DPP10: variants seen among roughly 807,000 people sequenced by gnomAD.
The protein encoded by DPP10 is dipeptidyl peptidase like 10, also known as inactive dipeptidyl peptidase 10.
In DPP10, 33 loss-of-function variants were observed where a neutral mutation model predicts 120.9. The observed-to-expected ratio is 0.27, with a 90% CI of 0.21 to 0.37. The LOEUF (loss-of-function observed/expected upper bound fraction) is 0.37. Ranked by LOEUF, DPP10 falls within the 10% of genes least tolerant of loss-of-function variation. The pLI is 1.00. For synonymous variants in DPP10, 337 were observed against 326.1 expected (o/e 1.03, Z -0.36); for missense variants, 816 against 942.8 (o/e 0.87, Z 1.76).
chr2:115,285,767 A>G (rs911351789), intron 1 of DPP10, among the ~76,000 whole-genome samples: 2 of 151,954 alleles, frequency 1.3e-5, no homozygotes, highest in African/African-American at 4.8e-5. Flanking sequence ...CCCAAGAACA[A>G]TTGGGTTGTG....
chr2:114,869,678 C>T (rs1295081193), intron 1 of DPP10, among the ~76,000 whole-genome samples: 2 of 152,062 alleles, frequency 1.3e-5, no homozygotes, highest in Non-Finnish European at 2.9e-5. Flanking sequence ...CTAGTTCCTC[C>T]CTATCTCAGG....
chr2:114,939,158 A>G (rs1696705941), intron 1 of DPP10, among the ~76,000 whole-genome samples: 1 of 152,148 alleles, frequency 6.6e-6, no homozygotes. Context: ...AGTTATAAGA[A>G]GAAGAAAATA....
At chr2:115,064,857 G>A in intron 1 of DPP10, 1 of 1,301,086 alleles carries the variant, frequency 7.7e-7, no homozygotes, top group South Asian at 1.2e-5. Flanking sequence ...CAGGGTTTCT[G>A]ATTGGGTTTC....
intron 1 of DPP10, among the ~76,000 whole-genome samples, chr2:115,279,557 G>A (rs111238031): frequency 1.6e-3 from 246 of 149,318 alleles, no homozygotes; most frequent in African/African-American, 5.4e-3. Context: ...GTTGATTTGC[G>A]TTTGATAGAA....
At chr2:115,160,832 G>C (rs917510632) in intron 1 of DPP10, among the ~76,000 whole-genome samples, 1 of 151,970 alleles carries the variant, frequency 6.6e-6, no homozygotes, top group Non-Finnish European at 1.5e-5. Context: ...CACAACGTAA[G>C]CTCCCTGCAG....
intron 5 of DPP10, among the ~76,000 whole-genome samples, chr2:115,615,352 T>C (rs1195820965): frequency 6.6e-6 from 1 of 152,180 alleles, no homozygotes; most frequent in Non-Finnish European, 1.5e-5. Flanking sequence ...TTATCTAAAA[T>C]AGAAGCACGG....
At chr2:115,094,265 C>T (rs1189962083) in intron 1 of DPP10, among the ~76,000 whole-genome samples, 1 of 152,142 alleles carries the variant, frequency 6.6e-6, no homozygotes, top group African/African-American at 2.4e-5. Context: ...ATGACAGCAG[C>T]TGACCTTTAT....
chr2:115,732,880 G>A (rs1365060713), intron 8 of DPP10, among the ~76,000 whole-genome samples: 2 of 152,126 alleles, frequency 1.3e-5, no homozygotes, highest in Admixed American at 1.3e-4. Flanking sequence ...AGAGCAATAC[G>A]ATGAGAAATA....
chr2:114,700,892 T>G (rs1361801942), intron 1 of DPP10, among the ~76,000 whole-genome samples: 1 of 152,096 alleles, frequency 6.6e-6, no homozygotes, highest in East Asian at 1.9e-4. Flanking sequence ...CTATTCGTCT[T>G]TTGGTGAGCT....
rs560604291 is a variant in DPP10 at position 115,522,064 on chromosome 2, A to C, written c.367-3834A>C. 3.9e-5 allele frequency among the ~76,000 whole-genome samples: 6 copies of C among 152,330 alleles called. No individual in the cohort carries two copies. In the South Asian group the frequency reaches 1.0e-3, roughly 26 times the overall value. ...GGCCCCCAAGTATATTTAGGATTGA[A>C]TCATAATTTTAAAATTATGAAATTA... On this transcript the variant is annotated intron_variant, in intron 4 of 25. Coordinates refer to ENST00000410059, the MANE Select transcript of DPP10 (RefSeq NM_020868.6).
intron 1 of DPP10, among the ~76,000 whole-genome samples, chr2:114,913,813 A>G (rs1017623573): frequency 2.0e-5 from 3 of 152,212 alleles, no homozygotes; most frequent in African/African-American, 7.2e-5. Flanking sequence ...CAAGGAATCT[A>G]GGGAATCCAG....
chr2:115,410,888 T>G (rs1485053397), intron 3 of DPP10, among the ~76,000 whole-genome samples: 5 of 152,232 alleles, frequency 3.3e-5, no homozygotes, highest in African/African-American at 9.6e-5. Context: ...ATCACTTGTA[T>G]TGATATTTTG....
intron 5 of DPP10, among the ~76,000 whole-genome samples, chr2:115,602,931 A>G (rs1360992627): frequency 6.6e-6 from 1 of 152,226 alleles, no homozygotes; most frequent in Non-Finnish European, 1.5e-5. Context: ...ATTTTTAAAT[A>G]AGTTAAAAGT....
chr2:115,094,877 C>A (rs1709583973), intron 1 of DPP10, among the ~76,000 whole-genome samples: 1 of 152,098 alleles, frequency 6.6e-6, no homozygotes, highest in Non-Finnish European at 1.5e-5. Flanking sequence ...TAGGTGCATA[C>A]ATAACAATTT....
chr2:115,586,397 G>C (rs781206499), intron 5 of DPP10, among the ~76,000 whole-genome samples: 3 of 152,138 alleles, frequency 2.0e-5, no homozygotes, highest in South Asian at 2.1e-4. Context: ...AACTTAGAAT[G>C]TATGATAAAA....
intron 1 of DPP10, among the ~76,000 whole-genome samples, chr2:114,525,681 T>A (rs1369628554): frequency 1.3e-5 from 2 of 152,248 alleles, no homozygotes; most frequent in African/African-American, 4.8e-5. Context: ...ACAAGTCATG[T>A]TACTATGTTT....
intron 1 of DPP10, among the ~76,000 whole-genome samples, chr2:114,549,841 G>T (rs1039030701): frequency 4.6e-5 from 7 of 152,118 alleles, no homozygotes; most frequent in Non-Finnish European, 1.0e-4. Flanking sequence ...GCTGGAGGGG[G>T]TGTAAGAGAT....
intron 5 of DPP10, among the ~76,000 whole-genome samples, chr2:115,604,299 C>G (rs997736889): frequency 1.3e-5 from 2 of 152,196 alleles, no homozygotes; most frequent in East Asian, 3.9e-4. Flanking sequence ...TTTGTATATG[C>G]CACAGACATT....
intron 5 of DPP10, among the ~76,000 whole-genome samples, chr2:115,549,480 C>G (rs2079739931): frequency 6.6e-6 from 1 of 152,080 alleles, no homozygotes; most frequent in South Asian, 2.1e-4. Flanking sequence ...TTTCCCTATT[C>G]TCTCATTTCA....
Sources: gnomAD v4.1 joint callset for allele counts (sites outside exome capture counted in the v4.1 genomes callset) on GRCh38, gnomAD v4.1.1 for gene constraint, MANE v1.5 for transcripts, NCBI Gene and HGNC (gene_info 2026-07-23, HGNC 2026-07-21) for gene names.